Variants in ST18 observed in about 807,000 individuals in gnomAD.
The protein encoded by ST18 is suppression of tumorigenicity 18 protein.
A neutral mutation model predicts 110.0 loss-of-function variants in ST18; 50 were observed. The observed-to-expected ratio is 0.45, with a 90% CI of 0.36 to 0.58. ST18 has a LOEUF of 0.58. ST18 is among the 20% of genes least tolerant of loss of function. The pLI, the probability that ST18 is intolerant of heterozygous loss-of-function variation, is 0.00. For missense variants in ST18, 1,306 were observed against 1,280.1 expected (o/e 1.02, Z -0.31); for synonymous variants, 461 against 452.4 (o/e 1.02, Z -0.24).
intron 23 of ST18, among the ~76,000 whole-genome samples, chr8:52,122,134 C>T (rs1405253363): frequency 6.6e-6 from 1 of 152,142 alleles, no homozygotes; most frequent in Non-Finnish European, 1.5e-5. Flanking sequence ...TGAGACACTG[C>T]GCCTAGCCTC....
intron 2 of ST18, among the ~76,000 whole-genome samples, chr8:52,293,689 A>G (rs2095590475): frequency 6.6e-6 from 1 of 151,904 alleles, no homozygotes; most frequent in African/African-American, 2.4e-5. Flanking sequence ...TTTTCTGTGA[A>G]ATTTGATTGA....
chr8:52,249,758 A>T (rs1027138400), intron 2 of ST18, among the ~76,000 whole-genome samples: 7 of 152,162 alleles, frequency 4.6e-5, no homozygotes, highest in Non-Finnish European at 7.4e-5. Context: ...AAATACATGC[A>T]TATTTAGCCC....
chr8:52,345,755 C>T (rs1385963023), intron 2 of ST18, among the ~76,000 whole-genome samples: 2 of 152,150 alleles, frequency 1.3e-5, no homozygotes, highest in Admixed American at 6.5e-5. Context: ...GAAAAGCCTT[C>T]GTATTCTGAC....
intron 8 of ST18, among the ~76,000 whole-genome samples, chr8:52,208,243 C>T (rs535664510): frequency 1.6e-4 from 24 of 152,294 alleles, no homozygotes; most frequent in African/African-American, 5.5e-4. Flanking sequence ...ACGTCCAATG[C>T]ATTCTAAAAA....
chr8:52,373,958 A>G (rs1442104726), intron 2 of ST18, among the ~76,000 whole-genome samples: 1 of 151,292 alleles, frequency 6.6e-6, no homozygotes, highest in Non-Finnish European at 1.5e-5. Flanking sequence ...CACTCCTCAC[A>G]CTCCAGGGCG....
At chr8:52,357,049 T>A (rs1424895937) in intron 2 of ST18, among the ~76,000 whole-genome samples, 1 of 152,130 alleles carries the variant, frequency 6.6e-6, no homozygotes, top group Non-Finnish European at 1.5e-5. Flanking sequence ...AACCTCCACA[T>A]GTACCCCTGA....
intron 7 of ST18, among the ~76,000 whole-genome samples, chr8:52,213,413 G>A (rs1015438465): frequency 1.5e-5 from 2 of 135,132 alleles, no homozygotes; most frequent in African/African-American, 2.7e-5. Context: ...CAGGGTCACG[G>A]CTTTGCCACA....
chr8:52,369,224 G>A (rs1829315338), intron 2 of ST18, among the ~76,000 whole-genome samples: 1 of 152,040 alleles, frequency 6.6e-6, no homozygotes, highest in Non-Finnish European at 1.5e-5. Flanking sequence ...ATGTAATAAG[G>A]CCCCTAAATT....
At chr8:52,308,590 T>C (rs1270102313) in intron 2 of ST18, among the ~76,000 whole-genome samples, 1 of 152,224 alleles carries the variant, frequency 6.6e-6, no homozygotes, top group African/African-American at 2.4e-5. Flanking sequence ...CTAAGAAATA[T>C]TTCCCAGAAA....
In ST18 at chr8:52,159,200, TAAAATATGTGAAGAATAAATTAA is replaced by T; in HGVS notation, c.1595-114_1595-92del. ...TTTTTAAAAATGTAACTTCTTGCAT[TAAAATATGTGAAGAATAAATTAA>T]AACACGTTCCATTATCCATGGGAAC... On this transcript the variant is annotated intron_variant, in intron 14 of 25. Coordinates refer to ENST00000689386, the MANE Select transcript of ST18 (RefSeq NM_001352837.2). The T allele has an allele frequency of 2.5e-6, 3 of 1,208,878 alleles. No individual in the cohort carries two copies. The Admixed American group carries it at 7.0e-5, about 28-fold the overall frequency. The allele number at this position is 1,208,878 out of a possible 1,614,324, so 74.9% of individuals were successfully genotyped here.
At chr8:52,235,313 G>A (rs928134846) in intron 2 of ST18, among the ~76,000 whole-genome samples, 3 of 151,996 alleles carry the variant, frequency 2.0e-5, no homozygotes, top group Non-Finnish European at 2.9e-5. Context: ...AGGAAACCAC[G>A]CCTGCTCCTA....
At position 52,172,224 on chromosome 8, in the gene ST18, T is replaced by C; in HGVS notation, c.637A>G (p.Thr213Ala). The change falls in exon 10 of 26, where the codon ACC becomes GCC. Residue 213 changes from threonine (T) to alanine (A), a missense_variant. Physicochemically the swap from Thr to Ala is moderately conservative, Grantham distance 58. Transcript: ENST00000689386. ...TACTTTGGGACTCTAGGTGGTTTGGTTTCTTCTGAGAAGTTGGAGCCACTG... is the reference window on the plus strand; with the variant it reads ...TACTTTGGGACTCTAGGTGGTTTGGCTTCTTCTGAGAAGTTGGAGCCACTG... Reference protein sequence around the residue: ...WDSGSNFSEETKPPRVPKYVL... With the variant: ...WDSGSNFSEEAKPPRVPKYVL... 6.2e-7 allele frequency: 1 copy of C among 1,614,200 alleles called. No homozygotes were observed. Among genetic ancestry groups the C allele is most frequent in the Non-Finnish European group, 8.5e-7 (1 of 1,180,032 alleles).
intron 2 of ST18, among the ~76,000 whole-genome samples, chr8:52,264,773 C>T (rs1437411568): frequency 6.6e-6 from 1 of 152,182 alleles, no homozygotes; most frequent in Non-Finnish European, 1.5e-5. Context: ...CCCAGGACAC[C>T]TGCATCTAAA....
At chr8:52,347,626 G>A (rs973983110) in intron 2 of ST18, among the ~76,000 whole-genome samples, 1 of 152,138 alleles carries the variant, frequency 6.6e-6, no homozygotes, top group East Asian at 1.9e-4. Flanking sequence ...ATAAAAACAC[G>A]GGGTATGGTA....
At chr8:52,214,102 A>G (rs2083215221) in intron 7 of ST18, 101 bp downstream of exon 7, 1 of 1,246,860 alleles carries the variant, frequency 8.0e-7, no homozygotes, top group African/African-American at 1.5e-5. Flanking sequence ...GCCCTGAGGA[A>G]GTTGTAATCA....
At chr8:52,148,977 G>A (rs1461930359) in intron 16 of ST18, among the ~76,000 whole-genome samples, 1 of 152,206 alleles carries the variant, frequency 6.6e-6, no homozygotes, top group Non-Finnish European at 1.5e-5. Flanking sequence ...AAATAGGACT[G>A]ACTTACTGTA....
chr8:52,168,726 C>T (rs1275176829), intron 10 of ST18, among the ~76,000 whole-genome samples: 1 of 152,150 alleles, frequency 6.6e-6, no homozygotes, highest in Non-Finnish European at 1.5e-5. Flanking sequence ...ATTCTCTCTG[C>T]ATTTCGTAAT....
Position 52,166,976 on chromosome 8 carries a change from C to T in ST18, c.1080G>A (p.Arg360=), listed in dbSNP as rs1417374228. Residue 360 remains arginine (R), a synonymous_variant, in exon 11 of 26, where the codon AGG becomes AGA. Coordinates refer to ENST00000689386, the MANE Select transcript of ST18 (RefSeq NM_001352837.2). The stretch of plus-strand genomic sequence containing the variant: ...GGCACTTGGTCTCCCTCTTTTCAGG[C>T]CTTGGTGAATCTATGGAGAAATTCA... ...RQIFNNKHSP[R]PEKRETKCPI... 4 of 1,608,122 alleles carry T rather than the reference C, an allele frequency of 2.5e-6. No individual in the cohort carries two copies. In the African/African-American group the frequency reaches 5.3e-5, roughly 21 times the overall value.
At chr8:52,307,552 A>G (rs1209616145) in intron 2 of ST18, among the ~76,000 whole-genome samples, 2 of 152,224 alleles carry the variant, frequency 1.3e-5, no homozygotes, top group African/African-American at 4.8e-5. Flanking sequence ...TTAAATGACT[A>G]TACTTTTTCT....
Sources: allele counts gnomAD v4.1 joint callset (sites outside exome capture counted in the v4.1 genomes callset), GRCh38; gene constraint gnomAD v4.1.1; transcripts MANE v1.5; gene names NCBI Gene and HGNC (gene_info 2026-07-23, HGNC 2026-07-21).